Variants in AFDN observed in about 807,000 individuals in gnomAD.
The protein encoded by AFDN is afadin, adherens junction formation factor, also known as afadin.
A neutral mutation model predicts 216.6 loss-of-function variants in AFDN; 68 were observed. The ratio of observed to expected loss-of-function variants is 0.31; its 90% CI spans 0.26 to 0.38. The LOEUF is 0.38. AFDN is among the 10% of genes least tolerant of loss of function. AFDN has a pLI of 1.00. For missense variants in AFDN, 2,136 were observed against 2,342.0 expected (o/e 0.91, Z 1.82); for synonymous variants, 868 against 853.7 (o/e 1.02, Z -0.29).
At chr6:167,865,239 T>C (rs1186426384) in intron 2 of AFDN, among the ~76,000 whole-genome samples, 1 of 152,156 alleles carries the variant, frequency 6.6e-6, no homozygotes, top group Non-Finnish European at 1.5e-5. Flanking sequence ...GAAACCTCCT[T>C]ATGTATTTAG....
chr6:167,958,831 C>G (rs896076892), intron 30 of AFDN, among the ~76,000 whole-genome samples: 3 of 152,220 alleles, frequency 2.0e-5, no homozygotes, highest in Non-Finnish European at 2.9e-5. Context: ...AGCCTAATTT[C>G]AGAATTGTTT....
chr6:167,911,337 C>T lies in AFDN; in HGVS notation c.1885C>T (p.His629Tyr), dbSNP rs1790366626. 6.2e-7 allele frequency: 1 copy of T among 1,613,952 alleles called. No individual in the cohort carries two copies. The highest frequency in any genetic ancestry group is 1.7e-4 in the Middle Eastern group (1 of 6,060). ...IINYTNSSTVHFKLSPTYVLY... is the reference protein window; with the variant it reads ...IINYTNSSTVYFKLSPTYVLY... Reference sequence around the variant, plus strand: ...AAATTATACTAATAGCTCTACAGTCCACTTTAAGTTGTCCCCTACATATGT... The same window carrying T: ...AAATTATACTAATAGCTCTACAGTCTACTTTAAGTTGTCCCCTACATATGT... Residue 629 changes from histidine to tyrosine, a missense_variant, in exon 15 of 34, where the codon CAC (histidine) becomes TAC (tyrosine). Coordinates refer to ENST00000683244, the MANE Select transcript of AFDN (RefSeq NM_001386888.1).
chr6:167,836,569 G>A (rs1243584055), intron 1 of AFDN, among the ~76,000 whole-genome samples: 1 of 152,096 alleles, frequency 6.6e-6, no homozygotes, highest in Non-Finnish European at 1.5e-5. Context: ...AAATGTCAGA[G>A]TACTGCATTT....
chr6:167,905,095 T>C (rs1789498575), intron 12 of AFDN, among the ~76,000 whole-genome samples: 2 of 152,188 alleles, frequency 1.3e-5, no homozygotes, highest in African/African-American at 4.8e-5. Context: ...CTTTTCACAC[T>C]CTGGCCCCTT....
chr6:167,921,057 G>A (rs886646280), intron 21 of AFDN, among the ~76,000 whole-genome samples: 14 of 152,236 alleles, frequency 9.2e-5, no homozygotes, highest in Non-Finnish European at 4.4e-5. Flanking sequence ...CTGATCCTCA[G>A]CACCTCACAT....
chr6:167,890,320 TAAAAATC>T (rs1787405012), intron 7 of AFDN, among the ~76,000 whole-genome samples: 1 of 152,228 alleles, frequency 6.6e-6, no homozygotes, highest in South Asian at 2.1e-4. Flanking sequence ...TTGAATTTAA[TAAAAATC>T]AGGTCAACTA....
chr6:167,955,352 C>G (rs1159727788), intron 30 of AFDN, among the ~76,000 whole-genome samples: 1 of 152,124 alleles, frequency 6.6e-6, no homozygotes, highest in African/African-American at 2.4e-5. Context: ...ACCTTTCTTA[C>G]AAACACCTTC....
Position 167,838,762 on chromosome 6 carries a change from G to A in AFDN, c.105+11525G>A, listed in dbSNP as rs146589342. 1.9e-4 allele frequency among the ~76,000 whole-genome samples: 29 copies of A among 152,282 alleles called. 1 individual carries two copies. The East Asian group carries it at 4.4e-3, about 23-fold the overall frequency. On this transcript the variant is annotated intron_variant, in intron 1 of 33. Coordinates refer to ENST00000683244, the MANE Select transcript of AFDN (RefSeq NM_001386888.1). ...CTTGTAAGAAACAGTGAAGCTTGGC[G>A]AGTAACCCTGGAGGAGGTTTCTAGG...
intron 21 of AFDN, among the ~76,000 whole-genome samples, chr6:167,921,424 A>G (rs560414920): frequency 1.3e-5 from 2 of 152,244 alleles, no homozygotes; most frequent in Admixed American, 1.3e-4. Flanking sequence ...CTTACAAAGA[A>G]TCGAGTGTTT....
At chr6:167,851,552 G>A (rs986150645) in intron 1 of AFDN, among the ~76,000 whole-genome samples, 3 of 152,174 alleles carry the variant, frequency 2.0e-5, no homozygotes, top group African/African-American at 7.2e-5. Context: ...TATTTATCAA[G>A]TGCCTCATAT....
Position 167,958,071 on chromosome 6 carries a change from G to A in AFDN, c.4834-4362G>A, listed in dbSNP as rs759354515. Among the ~76,000 whole-genome samples, 71 of 152,224 alleles carry A rather than the reference G, an allele frequency of 4.7e-4. 1 individual carries two copies. In the Middle Eastern group the frequency reaches 0.017, roughly 36 times the overall value. On this transcript the variant is annotated intron_variant, in intron 30 of 33. Coordinates refer to ENST00000683244, the MANE Select transcript of AFDN (RefSeq NM_001386888.1). Reference sequence around the variant, plus strand: ...CAAAATCCAAAACTCTTTGAGCACCGACATTATGCCACAAGTAGAAAATTC... The same window carrying A: ...CAAAATCCAAAACTCTTTGAGCACCAACATTATGCCACAAGTAGAAAATTC...
chr6:167,953,522 A>T (rs769732280), intron 30 of AFDN, among the ~76,000 whole-genome samples: 2 of 152,184 alleles, frequency 1.3e-5, no homozygotes, highest in Non-Finnish European at 2.9e-5. Context: ...AGTGTGAATT[A>T]TTACATTGTT....
intron 33 of AFDN, 38 bp downstream of exon 33, chr6:167,969,236 AC>A: frequency 1.4e-6 from 2 of 1,464,116 alleles, no homozygotes; most frequent in Non-Finnish European, 1.9e-6. Flanking sequence ...CTTCATCTGT[AC>A]CTGATGAGCC....
intron 6 of AFDN, among the ~76,000 whole-genome samples, chr6:167,884,310 C>G (rs903314645): frequency 2.0e-5 from 3 of 152,192 alleles, no homozygotes; most frequent in Middle Eastern, 3.2e-3. Context: ...TTTTCCTTAT[C>G]CCGTGAATCA....
At chr6:167,869,505 G>A (rs558597921) in intron 2 of AFDN, among the ~76,000 whole-genome samples, 34 of 152,334 alleles carry the variant, frequency 2.2e-4, no homozygotes, top group Admixed American at 6.5e-4. Context: ...TTCTCCGAGC[G>A]ACAAGGAGAA....
intron 31 of AFDN, chr6:167,965,125 T>G (rs1327319293): frequency 2.0e-6 from 2 of 987,432 alleles, no homozygotes; most frequent in East Asian, 1.3e-4. Context: ...ATTTGTTAGA[T>G]TGTTACTTTG....
chr6:167,933,211 A>G (rs908116184), intron 23 of AFDN, among the ~76,000 whole-genome samples: 1 of 152,214 alleles, frequency 6.6e-6, no homozygotes, highest in Non-Finnish European at 1.5e-5. Context: ...AGTACTTAGG[A>G]TATTTTACTA....
chr6:167,838,713 G>A (rs1056844779), intron 1 of AFDN, among the ~76,000 whole-genome samples: 1 of 152,192 alleles, frequency 6.6e-6, no homozygotes, highest in African/African-American at 2.4e-5. Context: ...CATCTTCTCT[G>A]GTGATGAGCC....
At chr6:167,967,435 A>G (rs183624793) in intron 32 of AFDN, among the ~76,000 whole-genome samples, 1 of 152,318 alleles carries the variant, frequency 6.6e-6, no homozygotes, top group East Asian at 1.9e-4. Context: ...CCAGGATTAA[A>G]TCATTTTATG....
Sources: gnomAD v4.1 joint callset for allele counts (sites outside exome capture counted in the v4.1 genomes callset) on GRCh38, gnomAD v4.1.1 for gene constraint, MANE v1.5 for transcripts, NCBI Gene and HGNC (gene_info 2026-07-23, HGNC 2026-07-21) for gene names.